LHFPL4: variants seen among roughly 807,000 people sequenced by gnomAD.
The protein encoded by LHFPL4 is LHFPL tetraspan subfamily member 4 protein.
A neutral mutation model predicts 20.0 loss-of-function variants in LHFPL4; 6 were observed. The observed-to-expected ratio is 0.30, with a 90% CI of 0.16 to 0.59. The LOEUF (loss-of-function observed/expected upper bound fraction) is 0.59. Among genes scored for constraint, LHFPL4 ranks in the 20% least tolerant of loss-of-function variants. LHFPL4 has a pLI of 0.88. For synonymous variants in LHFPL4, 129 were observed against 143.8 expected (o/e 0.90, Z 0.74); for missense variants, 215 against 331.2 (o/e 0.65, Z 2.72).
chr3:9,536,098 G>T (rs2046442671), intron 2 of LHFPL4, among the ~76,000 whole-genome samples: 1 of 152,058 alleles, frequency 6.6e-6, no homozygotes, highest in Non-Finnish European at 1.5e-5. Flanking sequence ...GGTCTGGCCA[G>T]GGGGGCCACA....
At chr3:9,543,455 G>T (rs1041730625) in intron 2 of LHFPL4, among the ~76,000 whole-genome samples, 14 of 150,986 alleles carry the variant, frequency 9.3e-5, no homozygotes, top group Middle Eastern at 3.4e-3. Context: ...AGCCGAGATC[G>T]CACCACTGCA....
chr3:9,543,049 T>C (rs896577255), intron 2 of LHFPL4, among the ~76,000 whole-genome samples: 6 of 152,142 alleles, frequency 3.9e-5, no homozygotes, highest in African/African-American at 1.4e-4. Context: ...AAAAACCATG[T>C]AATAGTTCAC....
intron 2 of LHFPL4, among the ~76,000 whole-genome samples, chr3:9,537,733 G>A (rs2046452211): frequency 6.6e-6 from 1 of 152,070 alleles, no homozygotes; most frequent in Non-Finnish European, 1.5e-5. Flanking sequence ...CTCACAGTTA[G>A]TTTTTCTGGC....
At chr3:9,505,874 T>G in intron 3 of LHFPL4, 93 bp downstream of exon 3, 1 of 1,227,144 alleles carries the variant, frequency 8.1e-7, no homozygotes, top group East Asian at 2.3e-5. Context: ...TTCCAATTCA[T>G]GCAACCCTCT....
At chr3:9,510,971 TA>T (rs2046255564) in intron 2 of LHFPL4, among the ~76,000 whole-genome samples, 1 of 150,824 alleles carries the variant, frequency 6.6e-6, no homozygotes, top group East Asian at 2.0e-4. Flanking sequence ...AATAAATAAA[TA>T]AATAAATAAG....
At chr3:9,526,030 A>G (rs941645252) in intron 2 of LHFPL4, among the ~76,000 whole-genome samples, 1 of 152,202 alleles carries the variant, frequency 6.6e-6, no homozygotes, top group African/African-American at 2.4e-5. Flanking sequence ...CATACAATGA[A>G]ATATATTGAA....
At chr3:9,549,970 A>C (rs926125664) in intron 2 of LHFPL4, among the ~76,000 whole-genome samples, 4 of 152,258 alleles carry the variant, frequency 2.6e-5, no homozygotes, top group Middle Eastern at 6.8e-3. Flanking sequence ...GGCCTCAAGC[A>C]ATCTTCCCAC....
intron 2 of LHFPL4, among the ~76,000 whole-genome samples, chr3:9,536,905 C>A (rs1305770974): frequency 2.0e-5 from 3 of 146,784 alleles, no homozygotes; most frequent in Admixed American, 6.9e-5. Flanking sequence ...GGTGACAGAG[C>A]GAGACTCTGT....
chr3:9,533,960 T>C (rs956657186), intron 2 of LHFPL4, among the ~76,000 whole-genome samples: 4 of 151,686 alleles, frequency 2.6e-5, no homozygotes, highest in Admixed American at 1.3e-4. Context: ...ATGCCTGTAA[T>C]TCCAGCACTC....
chr3:9,503,036 T>C (rs2046188912), intron 3 of LHFPL4, among the ~76,000 whole-genome samples: 1 of 152,182 alleles, frequency 6.6e-6, no homozygotes, highest in African/African-American at 2.4e-5. Context: ...AACTGGGTTT[T>C]GTTACATCGC....
In LHFPL4 at chr3:9,514,654, G is replaced by C. The variant is rs145653158; in HGVS notation, c.407-8451C>G. Among the ~76,000 whole-genome samples, 188 of 152,264 alleles carry C rather than the reference G, an allele frequency of 1.2e-3. 1 individual carries two copies. The highest frequency in any genetic ancestry group is 4.5e-3 in the African/African-American group (186 of 41,548). ...TGCCCTAAAAAATCCTCTGTGCTCT[G>C]CCTATTCATCCCTTCCTCCTCCCAA... On this transcript the variant is annotated intron_variant, in intron 2 of 3. Coordinates refer to ENST00000287585, the MANE Select transcript of LHFPL4 (RefSeq NM_198560.3).
intron 2 of LHFPL4, among the ~76,000 whole-genome samples, chr3:9,525,959 T>C (rs146192320): frequency 1.3e-5 from 2 of 152,248 alleles, no homozygotes; most frequent in East Asian, 3.9e-4. Flanking sequence ...ATTGAGCAGG[T>C]AGAAAGACCA....
Position 9,506,580 on chromosome 3 carries a change from G to A in LHFPL4, c.407-377C>T, listed in dbSNP as rs867721025. On this transcript the variant is annotated intron_variant, in intron 2 of 3. Coordinates refer to ENST00000287585, the MANE Select transcript of LHFPL4 (RefSeq NM_198560.3). This position sits in a 1 kb window ranked among gnomAD's most constrained non-coding sequence, Gnocchi z 4.5. ...TCCCATCCTCATTATTATTATTATT[G>A]TTGTCGTTGTTGTTGTTTGAGACGG... 1.3e-5 allele frequency among the ~76,000 whole-genome samples: 2 copies of A among 151,864 alleles called. No individual in the cohort carries two copies. The highest frequency in any genetic ancestry group is 2.9e-5 in the Non-Finnish European group (2 of 68,004).
At chr3:9,507,760 G>A (rs994543210) in intron 2 of LHFPL4, among the ~76,000 whole-genome samples, 2 of 152,180 alleles carry the variant, frequency 1.3e-5, no homozygotes, top group Admixed American at 6.5e-5. Flanking sequence ...ACCCAAGCCT[G>A]AGCTGATCAG....
intron 2 of LHFPL4, among the ~76,000 whole-genome samples, chr3:9,517,641 T>C (rs997015677): frequency 4.8e-5 from 7 of 146,896 alleles, no homozygotes; most frequent in Non-Finnish European, 8.9e-5. Flanking sequence ...AAGCTATGAT[T>C]GAGCCGTTAC....
chr3:9,540,229 G>A (rs1482401358), intron 2 of LHFPL4, among the ~76,000 whole-genome samples: 6 of 152,084 alleles, frequency 3.9e-5, no homozygotes, highest in African/African-American at 1.4e-4. Context: ...AGTTTATTAC[G>A]TGGCTGTTAA....
intron 2 of LHFPL4, among the ~76,000 whole-genome samples, chr3:9,510,269 T>C (rs1042201729): frequency 3.3e-5 from 5 of 151,750 alleles, no homozygotes; most frequent in Non-Finnish European, 5.9e-5. Context: ...TGGGGCAACA[T>C]GGTGAAAACA....
chr3:9,540,870 G>A (rs143685312), intron 2 of LHFPL4, among the ~76,000 whole-genome samples: 7 of 151,620 alleles, frequency 4.6e-5, no homozygotes, highest in African/African-American at 1.5e-4. Context: ...CAGCCTGGGC[G>A]ACAGAGTGGG....
chr3:9,538,903 T>C (rs917680924), intron 2 of LHFPL4, among the ~76,000 whole-genome samples: 1 of 151,944 alleles, frequency 6.6e-6, no homozygotes, highest in African/African-American at 2.4e-5. Flanking sequence ...TTTCACCACA[T>C]TGGCCAGGCT....
Sources: gnomAD v4.1 joint callset for allele counts (sites outside exome capture counted in the v4.1 genomes callset) on GRCh38, gnomAD v4.1.1 for gene constraint, Gnocchi (gnomAD v3.1) non-coding constraint, MANE v1.5 for transcripts, NCBI Gene and HGNC (gene_info 2026-07-23, HGNC 2026-07-21) for gene names.